Variants in MED26 observed in about 807,000 individuals in gnomAD.
MED26 encodes the protein mediator complex subunit 26.
A neutral mutation model predicts 43.7 loss-of-function variants in MED26; 7 were observed. That is an observed-to-expected ratio of 0.16 (90% confidence interval 0.09 to 0.30). The LOEUF is 0.30. Among genes scored for constraint, MED26 ranks in the 10% least tolerant of loss-of-function variants. The probability of loss-of-function intolerance (pLI) is 1.00; values close to 1 mark genes in which losing one functional copy is unlikely to be tolerated. For missense variants in MED26, 784 were observed against 840.6 expected, an observed-to-expected ratio of 0.93 and a Z score of 0.83; for synonymous variants, 375 against 371.1, an observed-to-expected ratio of 1.01 and a Z score of -0.12.
intron 1 of MED26, among the ~76,000 whole-genome samples, chr19:16,595,090 T>C (rs1463184681): frequency 6.6e-6 from 1 of 152,160 alleles, no homozygotes; most frequent in Non-Finnish European, 1.5e-5. Context: ...CCTCCCTCAC[T>C]GCGGATTCAC....
At chr19:16,597,814 C>T (rs781729559) in intron 1 of MED26, among the ~76,000 whole-genome samples, 3 of 152,156 alleles carry the variant, frequency 2.0e-5, no homozygotes, top group Non-Finnish European at 4.4e-5. Context: ...CCTCTGCGTC[C>T]CAGGCTCAAG....
intron 1 of MED26, among the ~76,000 whole-genome samples, chr19:16,585,450 T>G (rs2086066410): frequency 6.6e-6 from 1 of 151,922 alleles, no homozygotes; most frequent in African/African-American, 2.4e-5. Flanking sequence ...GCTAGGTCAC[T>G]CTCTTCCAGA....
At chr19:16,606,238 G>A (rs916748604) in intron 1 of MED26, among the ~76,000 whole-genome samples, 4 of 152,194 alleles carry the variant, frequency 2.6e-5, no homozygotes, top group Admixed American at 2.6e-4. Flanking sequence ...GGCCAGCACA[G>A]TCAGCACAAA....
In MED26 at chr19:16,577,406, C is replaced by T; in HGVS notation, c.424G>A (p.Asp142Asn). The change falls in exon 3 of 3, where the codon GAC becomes AAC. Residue 142 changes from aspartate (D) to asparagine (N), a missense_variant. By Grantham distance (23) the Asp-to-Asn change is conservative. Around this residue, in one of 3 missense-constraint regions of MED26, gnomAD observed 719 missense variants for 730.9 expected, o/e 0.98. Coordinates refer to ENST00000263390, the MANE Select transcript of MED26 (RefSeq NM_004831.5). This position sits in a 1 kb window ranked among gnomAD's most constrained non-coding sequence, Gnocchi z 8.1. ...CGGCGCTTGCGGCTGCCCAGCCTGT[C>T]CAGCCGCTGCCCGGGCAGCCTCTGG... ...DLQRLPGQRL[D>N]RLGSRKRRGD... 6.2e-7 allele frequency: 1 copy of T among 1,603,524 alleles called. No homozygotes were observed. Among genetic ancestry groups the T allele is most frequent in the Non-Finnish European group, 8.5e-7 (1 of 1,174,042 alleles).
At chr19:16,581,632 ACCTGGGCAACC>A (rs879900888) in intron 1 of MED26, among the ~76,000 whole-genome samples, 5 of 152,232 alleles carry the variant, frequency 3.3e-5, no homozygotes, top group African/African-American at 4.8e-5. Context: ...GAGACAGAAC[ACCTGGGCAACC>A]CCAGGGTCTG....
At chr19:16,597,289 C>T in intron 1 of MED26, 2 of 397,046 alleles carry the variant, frequency 5.0e-6, no homozygotes, top group Non-Finnish European at 8.9e-6. Flanking sequence ...TTAAGTTTCC[C>T]CCACTTCACA....
chr19:16,618,471 A>G (rs2086235914), intron 1 of MED26, among the ~76,000 whole-genome samples: 2 of 152,230 alleles, frequency 1.3e-5, no homozygotes, highest in African/African-American at 2.4e-5. Flanking sequence ...GGGTGACTAC[A>G]GGCAAATGGA....
At chr19:16,622,308 C>T (rs1225433206) in intron 1 of MED26, among the ~76,000 whole-genome samples, 1 of 152,180 alleles carries the variant, frequency 6.6e-6, no homozygotes, top group Admixed American at 6.5e-5. Context: ...CTCTATCTGC[C>T]CTCCTCCCTA....
intron 1 of MED26, among the ~76,000 whole-genome samples, chr19:16,613,262 A>G (rs530000672): frequency 6.6e-6 from 1 of 152,236 alleles, no homozygotes; most frequent in East Asian, 1.9e-4. Context: ...GGAGGAGGGG[A>G]GAGGAGGCTT....
At chr19:16,609,331 A>AG (rs1447544834) in intron 1 of MED26, among the ~76,000 whole-genome samples, 115 of 150,734 alleles carry the variant, frequency 7.6e-4, no homozygotes, top group South Asian at 2.5e-3. Flanking sequence ...AAAAAAAAAA[A>AG]AAAAAAGAGA....
chr19:16,601,883 C>T (rs2086151240), intron 1 of MED26, among the ~76,000 whole-genome samples: 1 of 152,220 alleles, frequency 6.6e-6, no homozygotes, highest in African/African-American at 2.4e-5. Context: ...AAACACACAG[C>T]TGAAGCAGGG....
intron 1 of MED26, among the ~76,000 whole-genome samples, chr19:16,582,619 T>C (rs1413957891): frequency 1.3e-5 from 2 of 152,174 alleles, no homozygotes; most frequent in Non-Finnish European, 1.5e-5. Context: ...AGGACTCGTA[T>C]GTGGCTGAGG....
chr19:16,579,964 A>G (rs983658523), intron 1 of MED26, among the ~76,000 whole-genome samples: 1 of 152,306 alleles, frequency 6.6e-6, no homozygotes, highest in East Asian at 1.9e-4. Flanking sequence ...CATTTGGCTC[A>G]CCATCCCTTC....
chr19:16,583,708 A>T (rs963540581), intron 1 of MED26, among the ~76,000 whole-genome samples: 3 of 152,108 alleles, frequency 2.0e-5, no homozygotes, highest in African/African-American at 7.2e-5. Context: ...TGGTACATGA[A>T]TGTTGATGGA....
Position 16,587,585 on chromosome 19 carries a change from C to G in MED26, c.73-9176G>C, listed in dbSNP as rs568383819. ...AGAATGACACTGGGAGGAACAATGA[C>G]GGGAAGGTGCATGTCTCGGCCACAG... On this transcript the variant is annotated intron_variant, in intron 1 of 2. Transcript: ENST00000263390. The surrounding 1 kb of genome is among the most constrained non-coding windows in gnomAD (Gnocchi z 4.9). The G allele has an allele frequency of 6.6e-6, 1 of 152,232 alleles. No homozygotes were observed. Among genetic ancestry groups the G allele is most frequent in the Admixed American group, 6.5e-5 (1 of 15,280 alleles). 9.4% of individuals were successfully genotyped at this position (152,232 alleles called of 1,614,324 possible). A position where few individuals can be genotyped will look rare whatever the true frequency, so the allele number is the denominator to read the frequency against.
intron 1 of MED26, among the ~76,000 whole-genome samples, chr19:16,623,987 C>T (rs770532776): frequency 2.2e-4 from 33 of 152,192 alleles, no homozygotes; most frequent in Non-Finnish European, 4.7e-4. Context: ...CTCCCCCACT[C>T]ACAAGGCTGT....
At chr19:16,627,570 C>G (rs1382220687) in intron 1 of MED26, among the ~76,000 whole-genome samples, 1 of 152,212 alleles carries the variant, frequency 6.6e-6, no homozygotes, top group Non-Finnish European at 1.5e-5. Context: ...AAGCTTCGTC[C>G]AGAGCAGTGA....
chr19:16,618,441 C>T (rs983682038), intron 1 of MED26, among the ~76,000 whole-genome samples: 9 of 152,174 alleles, frequency 5.9e-5, no homozygotes, highest in African/African-American at 1.9e-4. Context: ...ACTCGGACAG[C>T]GTGACAGCGA....
intron 1 of MED26, among the ~76,000 whole-genome samples, chr19:16,603,324 C>A (rs1038758413): frequency 1.3e-5 from 2 of 152,114 alleles, no homozygotes; most frequent in African/African-American, 4.8e-5. Flanking sequence ...GATCAGATGG[C>A]CATGTGGGAG....
Sources: gnomAD v4.1 joint callset for allele counts (sites outside exome capture counted in the v4.1 genomes callset) on GRCh38, gnomAD v4.1.1 for gene constraint, gnomAD v4.1.1 regional missense constraint, Gnocchi (gnomAD v3.1) non-coding constraint, MANE v1.5 for transcripts, NCBI Gene and HGNC (gene_info 2026-07-23, HGNC 2026-07-21) for gene names.